The following L3MBTL4 variants were observed in gnomAD, a reference collection of about 807,000 sequenced individuals.
L3MBTL4 encodes L3MBTL histone methyl-lysine binding protein 4.
L3MBTL4 carries 70 observed loss-of-function variants against 84.5 expected under a neutral mutation model. The ratio of observed to expected loss-of-function variants is 0.83; its 90% CI spans 0.68 to 1.01. The LOEUF is 1.01. Ranked by LOEUF, L3MBTL4 falls within the 50% of genes least tolerant of loss-of-function variation. The pLI, the probability that L3MBTL4 is intolerant of heterozygous loss-of-function variation, is 0.00. For missense variants in L3MBTL4, 715 were observed against 754.8 expected, an observed-to-expected ratio of 0.95 and a Z score of 0.62; for synonymous variants, 274 against 259.8, an observed-to-expected ratio of 1.05 and a Z score of -0.52.
chr18:6,255,977 A>G (rs1192774731), intron 5 of L3MBTL4, among the ~76,000 whole-genome samples: 1 of 152,228 alleles, frequency 6.6e-6, no homozygotes, highest in East Asian at 1.9e-4. Flanking sequence ...AGAAGCATCT[A>G]TATTAAAACA....
chr18:6,115,614 G>C (rs2059333078), intron 14 of L3MBTL4, among the ~76,000 whole-genome samples: 1 of 152,186 alleles, frequency 6.6e-6, no homozygotes, highest in African/African-American at 2.4e-5. Flanking sequence ...GGGAGCCTGT[G>C]CCAGAGGTGT....
In L3MBTL4 at chr18:6,368,705, C is replaced by G. The variant is rs951544935; in HGVS notation, c.-91+46096G>C. ...GGCAACAAGATTAATTCACTTTAAGCAACTGGCAAACAGTGCTGTCCAATT... is the reference window on the plus strand; with the variant it reads ...GGCAACAAGATTAATTCACTTTAAGGAACTGGCAAACAGTGCTGTCCAATT... On this transcript the variant is annotated intron_variant, in intron 1 of 18. Transcript: ENST00000317931. Among the ~76,000 whole-genome samples the G allele has an allele frequency of 4.1e-4, 62 of 152,160 alleles. 1 individual carries two copies. The highest frequency in any genetic ancestry group is 1.5e-3 in the African/African-American group (61 of 41,440).
chr18:6,086,763 T>C (rs2058273253), intron 15 of L3MBTL4, among the ~76,000 whole-genome samples: 1 of 152,202 alleles, frequency 6.6e-6, no homozygotes, highest in African/African-American at 2.4e-5. Flanking sequence ...CAACCAACTG[T>C]GATTTTCTCT....
intron 16 of L3MBTL4, among the ~76,000 whole-genome samples, chr18:6,034,297 C>T (rs1292714598): frequency 6.6e-6 from 1 of 151,998 alleles, no homozygotes; most frequent in East Asian, 1.9e-4. Context: ...TCCCTCCCCG[C>T]TCCCCCCACC....
chr18:6,388,788 C>A (rs1262979162), intron 1 of L3MBTL4, among the ~76,000 whole-genome samples: 1 of 152,162 alleles, frequency 6.6e-6, no homozygotes, highest in Non-Finnish European at 1.5e-5. Flanking sequence ...CAGATGGACA[C>A]CGGCTGTGTT....
intron 1 of L3MBTL4, among the ~76,000 whole-genome samples, chr18:6,337,012 CT>C (rs2052372023): frequency 6.6e-6 from 1 of 152,104 alleles, no homozygotes; most frequent in African/African-American, 2.4e-5. Flanking sequence ...AATACAATAT[CT>C]GAAACTCATT....
intron 5 of L3MBTL4, chr18:6,259,969 G>A (rs2048324264): frequency 6.6e-6 from 1 of 152,168 alleles, no homozygotes. Flanking sequence ...TTTGTATATG[G>A]TGAAAGGTAG....
intron 12 of L3MBTL4, among the ~76,000 whole-genome samples, chr18:6,198,825 A>C (rs989146590): frequency 2.6e-5 from 4 of 152,216 alleles, no homozygotes; most frequent in African/African-American, 9.6e-5. Flanking sequence ...TAAACTACTG[A>C]ACTCAGACAT....
In L3MBTL4 at chr18:5,968,559, T is replaced by C. The variant is rs538886512; in HGVS notation, c.1614+834A>G. On this transcript the variant is annotated intron_variant, in intron 17 of 18. Transcript: ENST00000317931. The stretch of plus-strand genomic sequence containing the variant: ...CAAAACAAAAAAAATTAGCTAGGTG[T>C]GGTGGCACATGCCTATAGTCCTAGC... Among the ~76,000 whole-genome samples, 9 of 152,036 alleles carry C rather than the reference T, an allele frequency of 5.9e-5. 1 individual carries two copies. The South Asian group carries it at 1.9e-3, about 32-fold the overall frequency.
chr18:6,093,809 A>G (rs2058540498), intron 14 of L3MBTL4, among the ~76,000 whole-genome samples: 1 of 152,230 alleles, frequency 6.6e-6, no homozygotes, highest in African/African-American at 2.4e-5. Flanking sequence ...TAGCATACAG[A>G]TGTACTTCCA....
intron 1 of L3MBTL4, among the ~76,000 whole-genome samples, chr18:6,317,528 T>G (rs890453517): frequency 8.5e-5 from 13 of 152,070 alleles, no homozygotes; most frequent in Non-Finnish European, 1.9e-4. Context: ...AGATAAGGCT[T>G]TTGTTCACCC....
chr18:5,999,866 T>A (rs9807191), intron 16 of L3MBTL4, among the ~76,000 whole-genome samples: 2,349 of 152,250 alleles, frequency 0.015, 53 homozygotes, highest in African/African-American at 0.054. Flanking sequence ...AGGGTTGGTA[T>A]AAAAGAAGCC....
intron 5 of L3MBTL4, among the ~76,000 whole-genome samples, chr18:6,257,876 C>A (rs1290419003): frequency 6.6e-6 from 1 of 152,082 alleles, no homozygotes; most frequent in Non-Finnish European, 1.5e-5. Context: ...TAACTCCCAA[C>A]CTCAGGTGAT....
chr18:6,380,611 A>G (rs2054559530), intron 1 of L3MBTL4, among the ~76,000 whole-genome samples: 1 of 152,174 alleles, frequency 6.6e-6, no homozygotes, highest in Admixed American at 6.5e-5. Context: ...TTCAGTTTCC[A>G]TGTAGTTGTG....
intron 5 of L3MBTL4, among the ~76,000 whole-genome samples, chr18:6,248,707 C>T (rs2047793239): frequency 6.6e-6 from 1 of 152,164 alleles, no homozygotes; most frequent in African/African-American, 2.4e-5. Flanking sequence ...TGCTCTTTTG[C>T]ACGTGGCTTT....
At chr18:6,032,118 T>C (rs376536590) in intron 16 of L3MBTL4, 15 of 242,198 alleles carry the variant, frequency 6.2e-5, no homozygotes, top group East Asian at 5.3e-4. Context: ...GGTGGGACTA[T>C]AGGCACCCGC....
At chr18:6,030,265 T>C in intron 16 of L3MBTL4, 3 of 981,322 alleles carry the variant, frequency 3.1e-6, no homozygotes, top group Non-Finnish European at 3.6e-6. Context: ...TACCCCCTTA[T>C]ACCTGTTGAA....
chr18:6,013,848 C>G (rs1479322852), intron 16 of L3MBTL4, among the ~76,000 whole-genome samples: 1 of 152,192 alleles, frequency 6.6e-6, no homozygotes, highest in Non-Finnish European at 1.5e-5. Context: ...AGGGATTGAT[C>G]TGATATTTGT....
chr18:6,128,869 A>G (rs1167613425), intron 14 of L3MBTL4, among the ~76,000 whole-genome samples: 1 of 152,084 alleles, frequency 6.6e-6, no homozygotes, highest in Non-Finnish European at 1.5e-5. Flanking sequence ...AGACGGAGGA[A>G]GGGCAGAGGG....
Sources: allele counts gnomAD v4.1 joint callset (sites outside exome capture counted in the v4.1 genomes callset), GRCh38; gene constraint gnomAD v4.1.1; transcripts MANE v1.5; gene names NCBI Gene and HGNC (gene_info 2026-07-23, HGNC 2026-07-21).